The following DCC variants were observed in gnomAD, a reference collection of about 807,000 sequenced individuals.
DCC encodes netrin receptor DCC.
DCC carries 58 observed loss-of-function variants against 172.5 expected under a neutral mutation model. The ratio of observed to expected loss-of-function variants is 0.34; its 90% CI spans 0.27 to 0.42. The LOEUF is 0.42. Ranked by LOEUF, DCC falls within the 10% of genes least tolerant of loss-of-function variation. DCC has a pLI of 1.00. For synonymous variants in DCC, 709 were observed against 644.5 expected (o/e 1.10, Z -1.52); for missense variants, 1,740 against 1,791.0 (o/e 0.97, Z 0.51).
intron 9 of DCC, among the ~76,000 whole-genome samples, chr18:53,183,913 G>T (rs1302116539): frequency 1.3e-5 from 2 of 151,280 alleles, no homozygotes; most frequent in African/African-American, 4.9e-5. Context: ...CTATAAACGG[G>T]AGTATCATTT....
intron 1 of DCC, among the ~76,000 whole-genome samples, chr18:52,703,172 G>T (rs2036153696): frequency 6.6e-6 from 1 of 151,972 alleles, no homozygotes; most frequent in African/African-American, 2.4e-5. Context: ...TCTGAATTTT[G>T]AATATCTCTT....
intron 1 of DCC, among the ~76,000 whole-genome samples, chr18:52,497,882 G>A (rs1453537686): frequency 6.6e-6 from 1 of 152,168 alleles, no homozygotes; most frequent in African/African-American, 2.4e-5. Flanking sequence ...TGCACATGAA[G>A]TTTTGAGAAG....
At chr18:52,813,413 CTT>C (rs369044571) in intron 2 of DCC, among the ~76,000 whole-genome samples, 1,555 of 152,282 alleles carry the variant, frequency 0.01, 25 homozygotes, top group African/African-American at 0.036. Flanking sequence ...TGAGATGACT[CTT>C]GACATTCTGT....
At chr18:52,426,851 A>G (rs750381259) in intron 1 of DCC, among the ~76,000 whole-genome samples, 1 of 152,134 alleles carries the variant, frequency 6.6e-6, no homozygotes, top group Non-Finnish European at 1.5e-5. Context: ...TGATTATAAT[A>G]ACAAAAAATC....
intron 1 of DCC, among the ~76,000 whole-genome samples, chr18:52,369,158 A>G (rs1425842968): frequency 6.6e-6 from 1 of 152,236 alleles, no homozygotes; most frequent in Non-Finnish European, 1.5e-5. Flanking sequence ...GAGTCTTCTC[A>G]AAAACGAGGA....
chr18:53,351,422 C>CTG (rs57775458), intron 15 of DCC, among the ~76,000 whole-genome samples: 1 of 15,060 alleles, frequency 6.6e-5, no homozygotes, highest in Non-Finnish European at 1.2e-4. Flanking sequence ...TATATACACA[C>CTG]TGTGTATATA....
intron 7 of DCC, among the ~76,000 whole-genome samples, chr18:53,069,760 G>A (rs2042627176): frequency 6.6e-6 from 1 of 152,046 alleles, no homozygotes. Context: ...TAAATAGAAG[G>A]GAGAAGCGAC....
intron 5 of DCC, among the ~76,000 whole-genome samples, chr18:53,007,248 G>T (rs2041660130): frequency 6.6e-6 from 1 of 152,102 alleles, no homozygotes; most frequent in Non-Finnish European, 1.5e-5. Context: ...TGTGTGGTTG[G>T]TTACTTGTAG....
intron 2 of DCC, among the ~76,000 whole-genome samples, chr18:52,884,800 T>G (rs2039545659): frequency 6.6e-6 from 1 of 152,168 alleles, no homozygotes; most frequent in African/African-American, 2.4e-5. Flanking sequence ...GGCATTTATT[T>G]TAGTCTTCAC....
intron 2 of DCC, among the ~76,000 whole-genome samples, chr18:52,826,611 G>A (rs2038515135): frequency 6.6e-6 from 1 of 152,044 alleles, no homozygotes; most frequent in East Asian, 1.9e-4. Flanking sequence ...TTCCTGCGTA[G>A]CTGGGACTGT....
chr18:53,030,292 A>G (rs2042010197), intron 5 of DCC, among the ~76,000 whole-genome samples: 1 of 152,144 alleles, frequency 6.6e-6, no homozygotes, highest in South Asian at 2.1e-4. Context: ...ACACATTGAC[A>G]TCTCAGTACA....
At chr18:52,993,531 T>G in intron 5 of DCC, among the ~76,000 whole-genome samples, 1 of 151,858 alleles carries the variant, frequency 6.6e-6, no homozygotes, top group South Asian at 2.1e-4. Flanking sequence ...TTGCCTCATG[T>G]GGTTGTGAGT....
chr18:52,640,329 T>G (rs1157489689), intron 1 of DCC, among the ~76,000 whole-genome samples: 1 of 152,070 alleles, frequency 6.6e-6, no homozygotes, highest in African/African-American at 2.4e-5. Context: ...TCATGACCCC[T>G]CTTCAACATA....
chr18:52,508,099 C>CA (rs11308825), intron 1 of DCC, among the ~76,000 whole-genome samples: 7,914 of 148,156 alleles, frequency 0.053, 244 homozygotes, highest in Non-Finnish European at 0.059. Flanking sequence ...GACTCTGTCT[C>CA]AAAAAAAAAA....
chr18:53,144,673 T>C (rs2043879579), intron 7 of DCC, among the ~76,000 whole-genome samples: 1 of 152,172 alleles, frequency 6.6e-6, no homozygotes, highest in Non-Finnish European at 1.5e-5. Flanking sequence ...CCATGTCAAA[T>C]AGCCAATATC....
chr18:53,500,012 T>G (rs1172815660), intron 27 of DCC, among the ~76,000 whole-genome samples: 2 of 152,244 alleles, frequency 1.3e-5, no homozygotes, highest in Admixed American at 1.3e-4. Flanking sequence ...GAACCAGTGC[T>G]GAGTACAACT....
At chr18:52,517,070 G>C (rs1327860307) in intron 1 of DCC, among the ~76,000 whole-genome samples, 1 of 152,106 alleles carries the variant, frequency 6.6e-6, no homozygotes, top group African/African-American at 2.4e-5. Context: ...GCTTCCCTTG[G>C]CATCTTAGGA....
chr18:53,372,172 T>C (rs1416369796), intron 15 of DCC, among the ~76,000 whole-genome samples: 7 of 152,246 alleles, frequency 4.6e-5, no homozygotes, highest in East Asian at 1.9e-4. Flanking sequence ...TGTATGTTCA[T>C]TGTTGTACTT....
chr18:53,277,791 T>A (rs895868043), intron 12 of DCC, among the ~76,000 whole-genome samples: 1 of 152,142 alleles, frequency 6.6e-6, no homozygotes, highest in East Asian at 1.9e-4. Context: ...TACAGCCAGG[T>A]GAAACTCTGG....
Sources: allele counts gnomAD v4.1 joint callset (sites outside exome capture counted in the v4.1 genomes callset), GRCh38; gene constraint gnomAD v4.1.1; transcripts MANE v1.5; gene names NCBI Gene and HGNC (gene_info 2026-07-23, HGNC 2026-07-21).